Variants in NOL4L observed in about 807,000 individuals in gnomAD.
The protein encoded by NOL4L is nucleolar protein 4 like.
A neutral mutation model predicts 64.5 loss-of-function variants in NOL4L; 7 were observed. The ratio of observed to expected loss-of-function variants is 0.11; its 90% CI spans 0.06 to 0.20. NOL4L has a LOEUF of 0.20. Among genes scored for constraint, NOL4L ranks in the 10% least tolerant of loss-of-function variants. NOL4L has a pLI of 1.00. For missense variants in NOL4L, 680 were observed against 967.1 expected (o/e 0.70, Z 3.94); for synonymous variants, 413 against 401.0 (o/e 1.03, Z -0.36).
At chr20:32,536,339 G>A in intron 1 of NOL4L, 1 of 985,106 alleles carries the variant, frequency 1.0e-6, no homozygotes. Flanking sequence ...GCTAACGAGC[G>A]GAGAGCCCCA....
At chr20:32,456,472 T>C (rs2013541075) in intron 5 of NOL4L, 77 bp from the exon 6 acceptor site, 1 of 1,336,528 alleles carries the variant, frequency 7.5e-7, no homozygotes, top group Non-Finnish European at 9.7e-7. Flanking sequence ...TATCCCACCC[T>C]GTGTCCTCCT....
At chr20:32,451,320 G>A (rs1009414439) in intron 10 of NOL4L, among the ~76,000 whole-genome samples, 9 of 152,230 alleles carry the variant, frequency 5.9e-5, no homozygotes, top group African/African-American at 1.9e-4. Context: ...CACAATTCAC[G>A]GCCCTTCTGT....
At chr20:32,543,985 G>A (rs958138943) in intron 1 of NOL4L, among the ~76,000 whole-genome samples, 2 of 152,110 alleles carry the variant, frequency 1.3e-5, no homozygotes, top group African/African-American at 4.8e-5. Context: ...GCAGGCAGGC[G>A]GCCGGCATCG....
chr20:32,549,282 C>T (rs1012049243), intron 1 of NOL4L, among the ~76,000 whole-genome samples: 3 of 152,010 alleles, frequency 2.0e-5, no homozygotes, highest in African/African-American at 7.3e-5. Flanking sequence ...ACAAGTAATA[C>T]AATTTTTTTA....
chr20:32,498,558 T>C (rs1297196695), intron 4 of NOL4L, among the ~76,000 whole-genome samples: 1 of 150,354 alleles, frequency 6.7e-6, no homozygotes, highest in Admixed American at 6.6e-5. Context: ...AGCCCAGGAG[T>C]TCAAGACCAG....
At chr20:32,581,290 A>T (rs949657620) in intron 1 of NOL4L, among the ~76,000 whole-genome samples, 2 of 139,260 alleles carry the variant, frequency 1.4e-5, no homozygotes, top group Non-Finnish European at 3.1e-5. Flanking sequence ...CTTGGGCCCC[A>T]GCTGCAGGAG....
intron 4 of NOL4L, among the ~76,000 whole-genome samples, chr20:32,503,974 T>C (rs2017029038): frequency 6.6e-6 from 1 of 152,210 alleles, no homozygotes; most frequent in African/African-American, 2.4e-5. Context: ...CCATCTGAGC[T>C]TTTTATGATA....
chr20:32,517,947 G>A (rs528826080), intron 3 of NOL4L, among the ~76,000 whole-genome samples: 7 of 152,210 alleles, frequency 4.6e-5, no homozygotes, highest in Non-Finnish European at 1.0e-4. Flanking sequence ...ACCTCTCTGT[G>A]CCTCAGTTTC....
At chr20:32,562,236 G>C (rs1979068805) in intron 1 of NOL4L, among the ~76,000 whole-genome samples, 1 of 152,156 alleles carries the variant, frequency 6.6e-6, no homozygotes, top group Non-Finnish European at 1.5e-5. Context: ...TGAGATGTCA[G>C]ATTGACTTCC....
intron 3 of NOL4L, among the ~76,000 whole-genome samples, chr20:32,519,104 T>C (rs1370035523): frequency 6.6e-6 from 1 of 152,140 alleles, no homozygotes; most frequent in Non-Finnish European, 1.5e-5. Context: ...AGCAGCTGAA[T>C]GGTAGTGCAG....
intron 1 of NOL4L, among the ~76,000 whole-genome samples, chr20:32,569,339 G>C (rs1600884576): frequency 6.6e-6 from 1 of 152,200 alleles, no homozygotes; most frequent in African/African-American, 2.4e-5. Flanking sequence ...TTTGCTCAGA[G>C]AGTGATGAGA....
intron 6 of NOL4L, among the ~76,000 whole-genome samples, chr20:32,455,359 C>G (rs894978902): frequency 2.0e-5 from 3 of 152,348 alleles, no homozygotes. Context: ...AGCACTGAGC[C>G]CATGGTACAG....
At chr20:32,555,800 T>C (rs1384726931) in intron 1 of NOL4L, among the ~76,000 whole-genome samples, 2 of 152,026 alleles carry the variant, frequency 1.3e-5, no homozygotes, top group African/African-American at 4.8e-5. Flanking sequence ...GACACCTTGA[T>C]TTTGAACTTC....
At chr20:32,514,420 A>C (rs1348704824) in intron 3 of NOL4L, among the ~76,000 whole-genome samples, 1 of 151,918 alleles carries the variant, frequency 6.6e-6, no homozygotes, top group Non-Finnish European at 1.5e-5. Flanking sequence ...GGAACCCGGG[A>C]GGTGGAGGTT....
At chr20:32,475,222 A>C (rs1450589384) in intron 4 of NOL4L, 8 of 985,322 alleles carry the variant, frequency 8.1e-6, no homozygotes, top group African/African-American at 1.7e-5. Context: ...CCCATGAAGC[A>C]TGCATGGAAT....
At chr20:32,489,888 C>T (rs983461921) in intron 4 of NOL4L, among the ~76,000 whole-genome samples, 6 of 151,864 alleles carry the variant, frequency 4.0e-5, no homozygotes, top group South Asian at 2.1e-4. Flanking sequence ...CAGCATTTTG[C>T]GAAGCCGAGG....
At chr20:32,479,197 A>G (rs1171248155) in intron 4 of NOL4L, among the ~76,000 whole-genome samples, 1 of 152,166 alleles carries the variant, frequency 6.6e-6, no homozygotes, top group Non-Finnish European at 1.5e-5. Context: ...ACAGATCAGA[A>G]CCCGTCAACG....
chr20:32,578,955 G>C (rs1980298206), intron 1 of NOL4L, among the ~76,000 whole-genome samples: 1 of 152,210 alleles, frequency 6.6e-6, no homozygotes, highest in Non-Finnish European at 1.5e-5. Context: ...TGCCTTGGCT[G>C]CAGTCATGGG....
intron 5 of NOL4L, among the ~76,000 whole-genome samples, chr20:32,466,821 G>A (rs1411287472): frequency 1.3e-5 from 2 of 152,188 alleles, no homozygotes; most frequent in Admixed American, 1.3e-4. Flanking sequence ...GCCAGCCCAG[G>A]GAGGCTGGTG....
Sources: allele counts gnomAD v4.1 joint callset (sites outside exome capture counted in the v4.1 genomes callset), GRCh38; gene constraint gnomAD v4.1.1; transcripts MANE v1.5; gene names NCBI Gene and HGNC (gene_info 2026-07-23, HGNC 2026-07-21).